The following PPP1R9A variants were observed in gnomAD, a reference collection of about 807,000 sequenced individuals.
PPP1R9A encodes protein phosphatase 1 regulatory subunit 9A, also known as neurabin-1.
Under a neutral mutation model 141.9 loss-of-function variants are expected in PPP1R9A, and 59 were observed. The ratio of observed to expected loss-of-function variants is 0.42; its 90% CI spans 0.34 to 0.52. PPP1R9A has a LOEUF of 0.52. Among genes scored for constraint, PPP1R9A ranks in the 20% least tolerant of loss-of-function variants. The pLI is 0.10. For missense variants in PPP1R9A, 1,444 were observed against 1,611.9 expected (o/e 0.90, Z 1.78); for synonymous variants, 500 against 569.7 (o/e 0.88, Z 1.74).
chr7:94,919,675 A>T (rs979469479), intron 2 of PPP1R9A, among the ~76,000 whole-genome samples: 6 of 152,082 alleles, frequency 3.9e-5, no homozygotes, highest in African/African-American at 1.4e-4. Context: ...TTCGATATAG[A>T]TTTCCTGTGC....
chr7:95,252,115 G>T lies in PPP1R9A; in HGVS notation c.2650G>T (p.Asp884Tyr), dbSNP rs370379973. 6.3e-7 allele frequency: 1 copy of T among 1,597,354 alleles called. No individual in the cohort carries two copies. The highest frequency in any genetic ancestry group is 1.2e-5 in the South Asian group (1 of 86,598). Reference sequence around the variant, plus strand: ...GGATGGCAAGCAGACATCTTGCCAAGATGGCCTAAGTCAAGGTTTGTTTAA... The same window carrying T: ...GGATGGCAAGCAGACATCTTGCCAATATGGCCTAAGTCAAGGTTTGTTTAA... ...NLDGKQTSCQ[D>Y]GLSQDLNEAV... is the part of the protein sequence containing the mutation. Residue 884 changes from aspartate (D) to tyrosine (Y), a missense_variant, in exon 12 of 20, where the codon GAT (aspartate) becomes TAT (tyrosine). By Grantham distance (160) the Asp-to-Tyr change is radical (BLOSUM62 -3). This residue lies in a region of PPP1R9A where 488 missense variants were observed against 542.0 expected (regional missense o/e 0.90). Transcript: ENST00000433360.
At chr7:94,967,411 G>A (rs546403981) in intron 2 of PPP1R9A, among the ~76,000 whole-genome samples, 1 of 152,112 alleles carries the variant, frequency 6.6e-6, no homozygotes, top group South Asian at 2.1e-4. Flanking sequence ...TGATGTTAGA[G>A]TATCAATTTT....
chr7:95,106,228 C>T (rs1352993000), intron 2 of PPP1R9A, among the ~76,000 whole-genome samples: 3 of 152,132 alleles, frequency 2.0e-5, no homozygotes, highest in Non-Finnish European at 4.4e-5. Flanking sequence ...ATTACATGGA[C>T]TATTTCATTT....
chr7:95,103,285 G>C (rs913584740), intron 2 of PPP1R9A, among the ~76,000 whole-genome samples: 4 of 150,898 alleles, frequency 2.7e-5, no homozygotes, highest in African/African-American at 7.3e-5. Context: ...ACAAACGTAG[G>C]CTTCCTTGTG....
intron 2 of PPP1R9A, among the ~76,000 whole-genome samples, chr7:94,996,333 A>G (rs1802168459): frequency 6.6e-6 from 1 of 152,210 alleles, no homozygotes. Flanking sequence ...GATAAAAATT[A>G]AAAGCTTTTT....
chr7:95,270,843 G>T (rs1481041651), intron 14 of PPP1R9A, among the ~76,000 whole-genome samples: 2 of 152,128 alleles, frequency 1.3e-5, no homozygotes, highest in African/African-American at 4.8e-5. Context: ...TTGAATTAAT[G>T]TCTAGTAAAT....
chr7:95,286,263 G>A lies in PPP1R9A; in HGVS notation c.3667G>A (p.Gly1223Ser), dbSNP rs780590892. Residue 1223 changes from glycine to serine, a missense_variant, in exon 18 of 20, where the codon GGC (glycine) becomes AGC (serine). Around this residue, in one of 5 missense-constraint regions of PPP1R9A, gnomAD observed 459 missense variants for 513.8 expected, o/e 0.89. Transcript: ENST00000433360. ...PSSTSSADLS[G>S]LGAEPKTPGL... ...CAGTACCAGTTCAGCAGACCTCAGC[G>A]GCTTAGGAGCAGAACCTAAAACACC... The A allele has an allele frequency of 5.6e-6, 9 of 1,613,524 alleles. No individual in the cohort carries two copies. Among genetic ancestry groups the A allele is most frequent in the East Asian group, 2.2e-5 (1 of 44,880 alleles).
At chr7:95,073,634 T>G (rs1250605715) in intron 2 of PPP1R9A, among the ~76,000 whole-genome samples, 2 of 147,318 alleles carry the variant, frequency 1.4e-5, no homozygotes, top group Non-Finnish European at 3.0e-5. Flanking sequence ...GTTTTTTTTT[T>G]TTTTTTTTTT....
chr7:95,075,849 A>T (rs890454589), intron 2 of PPP1R9A, among the ~76,000 whole-genome samples: 1 of 151,988 alleles, frequency 6.6e-6, no homozygotes, highest in African/African-American at 2.4e-5. Context: ...AAAAAAATGT[A>T]TGGAGAGGTA....
intron 5 of PPP1R9A, among the ~76,000 whole-genome samples, chr7:95,183,414 A>G (rs2152803996): frequency 6.7e-6 from 1 of 149,804 alleles, no homozygotes; most frequent in South Asian, 2.1e-4. Context: ...TGCTGGGATT[A>G]CAGGCATGAG....
intron 16 of PPP1R9A, 126 bp downstream of exon 16, chr7:95,274,294 G>A (rs745457541): frequency 5.6e-5 from 49 of 877,226 alleles, no homozygotes; most frequent in Non-Finnish European, 8.0e-5. Flanking sequence ...AATTGAGATG[G>A]AAGAAAAATT....
At chr7:95,019,822 C>T (rs537892031) in intron 2 of PPP1R9A, among the ~76,000 whole-genome samples, 44 of 152,232 alleles carry the variant, frequency 2.9e-4, no homozygotes, top group African/African-American at 1.0e-3. Context: ...AAACATCCCC[C>T]CTCGCCCAAA....
chr7:95,287,204 G>A (rs1016105289), intron 18 of PPP1R9A: 9 of 1,538,542 alleles, frequency 5.8e-6, no homozygotes, highest in African/African-American at 2.7e-5. Context: ...GCTCTTTGGA[G>A]ATGACTGAAA....
chr7:95,089,668 T>C (rs1362865587), intron 2 of PPP1R9A, among the ~76,000 whole-genome samples: 1 of 151,918 alleles, frequency 6.6e-6, no homozygotes, highest in Admixed American at 6.6e-5. Context: ...CTTAGGTAAT[T>C]GCTCAGCTCC....
At chr7:95,006,232 ATTTG>A (rs1017142650) in intron 2 of PPP1R9A, among the ~76,000 whole-genome samples, 1 of 146,138 alleles carries the variant, frequency 6.8e-6, no homozygotes, top group African/African-American at 2.5e-5. Context: ...TTATTTATTT[ATTTG>A]AGATGGAGTT....
chr7:95,145,409 C>T (rs1352293247), intron 4 of PPP1R9A, among the ~76,000 whole-genome samples: 1 of 152,122 alleles, frequency 6.6e-6, no homozygotes, highest in Non-Finnish European at 1.5e-5. Context: ...CCCCAAAATT[C>T]AGTCTTCAAG....
intron 2 of PPP1R9A, among the ~76,000 whole-genome samples, chr7:94,968,770 G>C (rs1187665087): frequency 2.0e-5 from 3 of 152,042 alleles, no homozygotes; most frequent in African/African-American, 7.2e-5. Context: ...GTCACTTTCA[G>C]GTACACTAAT....
At chr7:95,242,920 C>T (rs1455554622) in intron 8 of PPP1R9A, among the ~76,000 whole-genome samples, 2 of 152,136 alleles carry the variant, frequency 1.3e-5, no homozygotes, top group African/African-American at 4.8e-5. Flanking sequence ...TCCCTGCAGT[C>T]AGCGTGCCTG....
intron 2 of PPP1R9A, among the ~76,000 whole-genome samples, chr7:94,963,830 G>C (rs1797911052): frequency 6.6e-6 from 1 of 152,084 alleles, no homozygotes; most frequent in South Asian, 2.1e-4. Flanking sequence ...ACCACAATAA[G>C]TGATGCACAT....
Sources: gnomAD v4.1 joint callset for allele counts (sites outside exome capture counted in the v4.1 genomes callset) on GRCh38, gnomAD v4.1.1 for gene constraint, gnomAD v4.1.1 regional missense constraint, MANE v1.5 for transcripts, NCBI Gene and HGNC (gene_info 2026-07-23, HGNC 2026-07-21) for gene names.